The following NWD1 variants were observed in gnomAD, a reference collection of about 807,000 sequenced individuals.
The protein encoded by NWD1 is NACHT and WD repeat domain containing 1, also known as NACHT domain- and WD repeat-containing protein 1.
In NWD1, 129 loss-of-function variants were observed where a neutral mutation model predicts 135.1. The ratio of observed to expected loss-of-function variants is 0.96; its 90% CI spans 0.83 to 1.11. The LOEUF (loss-of-function observed/expected upper bound fraction) is 1.11, where lower values mean the gene tolerates loss of function less well. Ranked by LOEUF, NWD1 falls within the 50% of genes least tolerant of loss-of-function variation. NWD1 has a pLI of 0.00. For synonymous variants in NWD1, 773 were observed against 786.0 expected (o/e 0.98, Z 0.28); for missense variants, 1,740 against 1,851.3 (o/e 0.94, Z 1.10).
intron 4 of NWD1, among the ~76,000 whole-genome samples, chr19:16,739,118 A>G (rs1967975401): frequency 6.7e-6 from 1 of 149,998 alleles, no homozygotes; most frequent in Admixed American, 6.7e-5. Context: ...TCTGTTGTAA[A>G]TCTCCTAAAT....
chr19:16,805,197 T>C (rs908455224), intron 17 of NWD1, among the ~76,000 whole-genome samples: 1 of 152,006 alleles, frequency 6.6e-6, no homozygotes, highest in Non-Finnish European at 1.5e-5. Flanking sequence ...TAGCTGAGAT[T>C]ACAGGTGTGC....
rs1284672341 is a variant in NWD1, at chr19:16,783,643, A to G, written c.2731+4178A>G. Among the ~76,000 whole-genome samples the G allele has an allele frequency of 4.7e-5, 7 of 150,218 alleles. No individual in the cohort carries two copies. In the East Asian group the frequency reaches 1.4e-3, roughly 29 times the overall value. On this transcript the variant is annotated intron_variant, in intron 12 of 18. Coordinates refer to ENST00000524140, the MANE Select transcript of NWD1 (RefSeq NM_001007525.5). ...GAGCAAAACTCCATCTCAAAAAATA[A>G]AAATAATAAAATAATAAATAAATAA... is the stretch of plus-strand genomic sequence containing the variant.
intron 4 of NWD1, among the ~76,000 whole-genome samples, chr19:16,743,604 T>C (rs1478947213): frequency 1.3e-5 from 2 of 152,146 alleles, no homozygotes; most frequent in African/African-American, 4.8e-5. Context: ...GCTGGTTGGA[T>C]TGAAGAATTG....
intron 4 of NWD1, among the ~76,000 whole-genome samples, chr19:16,741,569 A>G (rs1440398972): frequency 1.3e-5 from 2 of 151,334 alleles, no homozygotes; most frequent in African/African-American, 4.9e-5. Context: ...GGGTTTCGCT[A>G]TGTTGGCCAG....
intron 15 of NWD1, among the ~76,000 whole-genome samples, chr19:16,796,560 T>C (rs2885321): frequency 0.086 from 13,079 of 152,252 alleles, 894 homozygotes; most frequent in African/African-American, 0.18. Flanking sequence ...ACAGTTTCAC[T>C]GGGGACCCAT....
At chr19:16,794,706 A>G (rs1414486763) in intron 15 of NWD1, among the ~76,000 whole-genome samples, 153 bp downstream of exon 15, 1 of 152,234 alleles carries the variant, frequency 6.6e-6, no homozygotes, top group African/African-American at 2.4e-5. Flanking sequence ...TTTGCAGTCC[A>G]GACGAGACAA....
intron 16 of NWD1, 95 bp downstream of exon 16, chr19:16,797,981 C>T (rs761517752): frequency 3.1e-5 from 38 of 1,235,084 alleles, no homozygotes; most frequent in Admixed American, 6.3e-5. Flanking sequence ...CAGACACCCA[C>T]AAAAATGAGT....
intron 17 of NWD1, among the ~76,000 whole-genome samples, chr19:16,806,757 G>C (rs1357757594): frequency 1.3e-5 from 2 of 152,208 alleles, no homozygotes; most frequent in East Asian, 3.9e-4. Flanking sequence ...GCTCATGCCT[G>C]TAATCCCAGC....
At chr19:16,808,948 G>A (rs1034405492) in intron 18 of NWD1, among the ~76,000 whole-genome samples, 2 of 152,080 alleles carry the variant, frequency 1.3e-5, no homozygotes, top group East Asian at 1.9e-4. Context: ...AGCTGGGCAT[G>A]GTGATGTGCA....
chr19:16,790,084 C>T lies in NWD1; in HGVS notation c.2940+894C>T, dbSNP rs549631220. Among the ~76,000 whole-genome samples the T allele has an allele frequency of 2.6e-5, 4 of 152,194 alleles. No individual in the cohort carries two copies. The South Asian group carries it at 8.3e-4, about 32-fold the overall frequency. On this transcript the variant is annotated intron_variant, in intron 13 of 18. Transcript: ENST00000524140. ...CAATGTCTGTTCCACTGTGTTATTC[C>T]ATTACATCAATCATAACCCTGTGAT...
In NWD1 at chr19:16,778,983, A is replaced by G. The variant is rs117325587; in HGVS notation, c.2609-360A>G. Among the ~76,000 whole-genome samples the G allele has an allele frequency of 1.5e-3, 229 of 152,216 alleles. 6 individuals carry two copies. The East Asian group carries it at 0.029, about 19-fold the overall frequency. ...TGAACAGCATCCCTGGCCTGCACCC[A>G]CCAGATGGCAGTACTGTCCTTGAGC... On this transcript the variant is annotated intron_variant, in intron 11 of 18. Coordinates refer to ENST00000524140, the MANE Select transcript of NWD1 (RefSeq NM_001007525.5).
chr19:16,751,763 T>A (rs942864772), intron 6 of NWD1, among the ~76,000 whole-genome samples: 5 of 143,228 alleles, frequency 3.5e-5, no homozygotes, highest in Non-Finnish European at 6.0e-5. Context: ...ATAGTGCCAC[T>A]GTGCTCCAGC....
At chr19:16,754,754 A>G (rs1482122671) in intron 6 of NWD1, among the ~76,000 whole-genome samples, 2 of 139,992 alleles carry the variant, frequency 1.4e-5, no homozygotes, top group East Asian at 4.4e-4. Context: ...CATCATCTCT[A>G]TAGCCATCCA....
chr19:16,729,381 C>T (rs370743416), intron 2 of NWD1, among the ~76,000 whole-genome samples: 1 of 152,082 alleles, frequency 6.6e-6, no homozygotes, highest in African/African-American at 2.4e-5. Flanking sequence ...CATATCAGGA[C>T]TATCACTCTC....
Position 16,797,781 on chromosome 19 carries a change from C to T in NWD1, c.3354C>T (p.Arg1118=). The T allele has an allele frequency of 6.2e-7, 1 of 1,614,084 alleles. No individual in the cohort carries two copies. Among genetic ancestry groups the T allele is most frequent in the African/African-American group, 1.3e-5 (1 of 75,040 alleles). The part of the protein sequence containing the change: ...RIFLADSRGF[R]RFMAMDLEHE... ...TCTTGGCGGACTCGAGGGGCTTTCG[C>T]CGATTCATGGCCATGGATCTGGAAC... Residue 1118 remains arginine, a synonymous_variant, in exon 16 of 19, where the codon CGC becomes CGT. Coordinates refer to ENST00000524140, the MANE Select transcript of NWD1 (RefSeq NM_001007525.5).
intron 12 of NWD1, among the ~76,000 whole-genome samples, chr19:16,780,609 T>G (rs962138346): frequency 2.6e-5 from 4 of 152,140 alleles, no homozygotes; most frequent in African/African-American, 9.6e-5. Context: ...TTCTGCCTTC[T>G]TTTCTTTTCT....
chr19:16,784,279 T>C (rs543404629), intron 12 of NWD1, among the ~76,000 whole-genome samples: 1 of 151,674 alleles, frequency 6.6e-6, no homozygotes, highest in South Asian at 2.1e-4. Context: ...GGCAGAAGGA[T>C]CGCTTGAGCC....
chr19:16,736,973 G>A (rs1033466772), intron 4 of NWD1, among the ~76,000 whole-genome samples: 3 of 152,144 alleles, frequency 2.0e-5, no homozygotes, highest in Non-Finnish European at 4.4e-5. Context: ...CAGGTGGCTT[G>A]GAGAGTAGAA....
chr19:16,805,369 T>G (rs1676149701), intron 17 of NWD1, among the ~76,000 whole-genome samples: 1 of 151,920 alleles, frequency 6.6e-6, no homozygotes, highest in South Asian at 2.1e-4. Flanking sequence ...AAATTTTGTG[T>G]GTTTTGTAGA....
Sources: gnomAD v4.1 joint callset for allele counts (sites outside exome capture counted in the v4.1 genomes callset) on GRCh38, gnomAD v4.1.1 for gene constraint, MANE v1.5 for transcripts, NCBI Gene and HGNC (gene_info 2026-07-23, HGNC 2026-07-21) for gene names.